Variants in CAPG observed in about 807,000 individuals in gnomAD.
CAPG encodes capping actin protein, gelsolin like, also known as macrophage-capping protein.
Under a neutral mutation model 44.6 loss-of-function variants are expected in CAPG, and 32 were observed. The observed-to-expected ratio is 0.72, with a 90% confidence interval of 0.54 to 0.96. The LOEUF is 0.96. Ranked by LOEUF, CAPG falls within the 50% of genes least tolerant of loss-of-function variation. CAPG has a pLI of 0.00. For missense variants in CAPG, 412 were observed against 438.3 expected, an observed-to-expected ratio of 0.94 and a Z score of 0.54; for synonymous variants, 175 against 179.6, an observed-to-expected ratio of 0.97 and a Z score of 0.20.
chr2:85,408,822 CG>C (rs200047318), intron 1 of CAPG: 9 of 151,548 alleles, frequency 5.9e-5, no homozygotes, highest in Non-Finnish European at 1.0e-4. Context: ...GAGCTGGGGC[CG>C]GGGGGGAGGA....
At chr2:85,413,601 A>G (rs1687479094), upstream of CAPG, among the ~76,000 whole-genome samples, 1 of 152,126 alleles carries the variant, frequency 6.6e-6, no homozygotes, top group Non-Finnish European at 1.5e-5. Context: ...CAACAACAAC[A>G]GCGAAACAAA....
upstream of CAPG, among the ~76,000 whole-genome samples, chr2:85,411,086 A>C (rs1476938126): frequency 6.6e-6 from 1 of 152,026 alleles, no homozygotes; most frequent in Non-Finnish European, 1.5e-5. Flanking sequence ...GAACTCCTGA[A>C]CTGAAGCAAT....
At chr2:85,414,657 C>A (rs1392085173), upstream of CAPG, among the ~76,000 whole-genome samples, 1 of 151,658 alleles carries the variant, frequency 6.6e-6, no homozygotes, top group African/African-American at 2.4e-5. Flanking sequence ...GTCTCAAACT[C>A]CTGGGCTCAA....
chr2:85,401,932 G>A lies in CAPG; in HGVS notation c.49C>T (p.Gln17Ter). The change falls in exon 3 of 10, where the codon CAG becomes TAG. Residue 17 changes from glutamine to a stop codon, truncating the protein, a stop_gained. Transcript: ENST00000263867. LOFTEE classifies it high-confidence loss of function. The stretch of plus-strand genomic sequence containing the variant: ...CGCCACACATGCAGGCCTGGATCCT[G>A]CACTGAGCCTGGGAATGGAGAGCCA... ...QSGSPFPGSV[Q>*]DPGLHVWRVE... 6.2e-7 allele frequency: 1 copy of A among 1,614,170 alleles called. No homozygotes were observed. Among genetic ancestry groups the A allele is most frequent in the Non-Finnish European group, 8.5e-7 (1 of 1,180,020 alleles).
intron 6 of CAPG, 73 bp downstream of exon 6, chr2:85,399,063 C>G: frequency 6.5e-7 from 1 of 1,542,718 alleles, no homozygotes; most frequent in Non-Finnish European, 8.9e-7. Flanking sequence ...ACTCTCAGCC[C>G]TCAGCTCATC....
chr2:85,417,500 T>TTC, intron 1 of CAPG, among the ~76,000 whole-genome samples: 1 of 133,322 alleles, frequency 7.5e-6, no homozygotes, highest in Non-Finnish European at 1.6e-5. Context: ...TTTTTTTTTT[T>TTC]GAGACAGAGT....
intron 1 of CAPG, among the ~76,000 whole-genome samples, chr2:85,404,533 G>A (rs1294824194): frequency 3.9e-5 from 6 of 152,008 alleles, no homozygotes; most frequent in African/African-American, 1.2e-4. Flanking sequence ...GGTGGATCAC[G>A]AGGTCAGGAG....
intron 8 of CAPG, 118 bp downstream of exon 8, chr2:85,397,902 G>T: frequency 9.7e-7 from 1 of 1,026,512 alleles, no homozygotes; most frequent in Non-Finnish European, 1.4e-6. Context: ...CCAGAAGCAT[G>T]CAGGCTTCCT....
chr2:85,406,259 A>AAAAAAGAAAAG (rs556967105), intron 1 of CAPG, among the ~76,000 whole-genome samples: 12,762 of 151,378 alleles, frequency 0.084, 583 homozygotes, highest in South Asian at 0.16. Context: ...TTCAAAAAAA[A>AAAAAAGAAAAG]AAAAAGAAAA....
Position 85,399,176 on chromosome 2 carries a change from T to C in CAPG, c.626A>G (p.Glu209Gly), listed in dbSNP as rs1686756332. 4.3e-6 allele frequency: 7 copies of C among 1,614,070 alleles called. No homozygotes were observed. Among genetic ancestry groups the C allele is most frequent in the Non-Finnish European group, 5.1e-6 (6 of 1,180,016 alleles). The change falls in exon 6 of 10, where the codon GAG (glutamate) becomes GGG (glycine). Residue 209 changes from glutamate to glycine, a missense_variant. By Grantham distance (98) the Glu-to-Gly change is moderately conservative (BLOSUM62 -2). Transcript: ENST00000263867. Reference protein sequence around the residue: ...DSERQGKAQVEIVTDGEEPAE... With the variant: ...DSERQGKAQVGIVTDGEEPAE... ...AGGCTCCTCCCCATCAGTGACAATC[T>C]CCACCTGGGCCTTGCCCTGTCGCTC...
In CAPG at chr2:85,401,262, T is replaced by C. The variant is rs1686871261; in HGVS notation, c.419A>G (p.Tyr140Cys). 1 of 1,614,128 alleles carries C rather than the reference T, an allele frequency of 6.2e-7. No homozygotes were observed. ...GATGTTCTTCTTCCCCTTCACCTGG[T>C]AGAGTTTCTTGATGGCAGCTGGGGC... is the stretch of plus-strand genomic sequence containing the variant. ...TGAPAAIKKL[Y>C]QVKGKKNIRA... Residue 140 changes from tyrosine (Y) to cysteine (C), a missense_variant, in exon 5 of 10, where the codon TAC becomes TGC. Transcript: ENST00000263867.
At chr2:85,399,805 A>G (rs1003250664) in intron 5 of CAPG, among the ~76,000 whole-genome samples, 1 of 149,088 alleles carries the variant, frequency 6.7e-6, no homozygotes, top group African/African-American at 2.5e-5. Flanking sequence ...GCAATGGTAC[A>G]ATCTCAGCTC....
At chr2:85,410,856 G>T (rs79292482), upstream of CAPG, among the ~76,000 whole-genome samples, 838 of 132,266 alleles carry the variant, frequency 6.3e-3, 10 homozygotes, top group East Asian at 0.042. Context: ...CAGTTTTTTG[G>T]TTTTTTTTGT....
In CAPG at chr2:85,395,665, C is replaced by T. The variant is rs373530769; in HGVS notation, c.893-39G>A. 10 of 1,422,580 alleles carry T rather than the reference C, an allele frequency of 7.0e-6. No individual in the cohort carries two copies. The African/African-American group carries it at 1.1e-4, about 16-fold the overall frequency. 88.1% of individuals were successfully genotyped at this position (1,422,580 alleles called of 1,614,324 possible). A position where few individuals can be genotyped will look rare whatever the true frequency, so the allele number is the denominator to read the frequency against. On this transcript the variant is annotated intron_variant, in intron 8 of 9. Transcript: ENST00000263867. This position sits in a 1 kb window ranked among gnomAD's most constrained non-coding sequence, Gnocchi z 4.3. Reference sequence around the variant, plus strand: ...AGGAGATTTTTAAAAAGAGCAGGGACCCTCTTTAGCTGCCATCCCATTTTT... The same window carrying T: ...AGGAGATTTTTAAAAAGAGCAGGGATCCTCTTTAGCTGCCATCCCATTTTT...
intron 1 of CAPG, among the ~76,000 whole-genome samples, chr2:85,404,161 T>C (rs1257405915): frequency 6.6e-6 from 1 of 151,634 alleles, no homozygotes. Flanking sequence ...ATACAATATA[T>C]ACACATACAT....
chr2:85,417,509 G>C (rs1687587835), intron 1 of CAPG, among the ~76,000 whole-genome samples: 2 of 135,258 alleles, frequency 1.5e-5, no homozygotes, highest in African/African-American at 5.7e-5. Context: ...TTGAGACAGA[G>C]TCTGGCTCTG....
chr2:85,395,677 G>C lies in CAPG; in HGVS notation c.893-51C>G. The C allele has an allele frequency of 7.5e-7, 1 of 1,330,158 alleles. No individual in the cohort carries two copies. The allele number at this position is 1,330,158 out of a possible 1,614,324, so 82.4% of individuals were successfully genotyped here. On this transcript the variant is annotated intron_variant, in intron 8 of 9. Transcript: ENST00000263867. This position sits in a 1 kb window ranked among gnomAD's most constrained non-coding sequence, Gnocchi z 4.3. ...AAAAGAGCAGGGACCCTCTTTAGCT[G>C]CCATCCCATTTTTCTTGAGGAAATT...
chr2:85,395,997 C>T lies in CAPG; in HGVS notation c.893-371G>A. The T allele has an allele frequency of 4.8e-6, 1 of 206,924 alleles. No individual in the cohort carries two copies. Among genetic ancestry groups the T allele is most frequent in the East Asian group, 1.1e-4 (1 of 8,890 alleles). The allele number at this position is 206,924 out of a possible 1,614,324, so 12.8% of individuals were successfully genotyped here. A position where few individuals can be genotyped will look rare whatever the true frequency, so the allele number is the denominator to read the frequency against. On this transcript the variant is annotated intron_variant, in intron 8 of 9. Transcript: ENST00000263867. The surrounding 1 kb of genome is among the most constrained non-coding windows in gnomAD (Gnocchi z 4.3). ...CCCCTCACCTCTTGAATTCATCAAG[C>T]CTTTTCTGAAAAACTAAATAAGACA...
At chr2:85,411,516 G>A (rs545650776), upstream of CAPG, among the ~76,000 whole-genome samples, 165 of 152,278 alleles carry the variant, frequency 1.1e-3, 6 homozygotes, top group South Asian at 0.031. Context: ...AAGGATGAGC[G>A]GACTCAGTAT....
Sources: allele counts gnomAD v4.1 joint callset (sites outside exome capture counted in the v4.1 genomes callset), GRCh38; gene constraint gnomAD v4.1.1; non-coding constraint Gnocchi (gnomAD v3.1); transcripts MANE v1.5; gene names NCBI Gene and HGNC (gene_info 2026-07-23, HGNC 2026-07-21).